The following NUCKS1 variants were observed in gnomAD, a reference collection of about 807,000 sequenced individuals.
NUCKS1 encodes the protein nuclear casein kinase and cyclin dependent kinase substrate 1.
A neutral mutation model predicts 33.0 loss-of-function variants in NUCKS1; 2 were observed. That is an observed-to-expected ratio of 0.06 (90% CI 0.02 to 0.19). NUCKS1 has a LOEUF of 0.19. Among genes scored for constraint, NUCKS1 ranks in the 10% least tolerant of loss-of-function variants. The pLI is 1.00. For missense variants in NUCKS1, 201 were observed against 293.6 expected (o/e 0.68, Z 2.31); for synonymous variants, 106 against 102.8 (o/e 1.03, Z -0.19).
chr1:205,741,274 T>G (rs1212837093), intron 1 of NUCKS1, among the ~76,000 whole-genome samples: 1 of 119,108 alleles, frequency 8.4e-6, no homozygotes, highest in South Asian at 2.7e-4. Context: ...CACTCCAGCC[T>G]GGGCGACAGA....
intron 1 of NUCKS1, among the ~76,000 whole-genome samples, chr1:205,744,976 A>C (rs937243146): frequency 7.9e-5 from 12 of 152,186 alleles, no homozygotes; most frequent in African/African-American, 2.9e-4. Flanking sequence ...GTACTACCCT[A>C]AACTAGTGAT....
chr1:205,719,821 G>T, intron 5 of NUCKS1, 145 bp from the exon 6 acceptor site: 1 of 784,616 alleles, frequency 1.3e-6, no homozygotes, highest in Non-Finnish European at 1.9e-6. Context: ...CTACCAATTT[G>T]ACTGGAGTCA....
intron 2 of NUCKS1, 123 bp downstream of exon 2, chr1:205,729,449 G>T: frequency 2.6e-6 from 2 of 777,078 alleles, no homozygotes; most frequent in Non-Finnish European, 2.3e-6. Context: ...TCATGACATG[G>T]TTTTGGTAAA....
rs746939778 is a variant in NUCKS1 at position 205,750,051 on chromosome 1, C to G, written c.-78G>C. 4 of 1,264,764 alleles carry G rather than the reference C, an allele frequency of 3.2e-6. No individual in the cohort carries two copies. The highest frequency in any genetic ancestry group is 2.3e-5 in the Admixed American group (1 of 42,640). 78.3% of individuals were successfully genotyped at this position (1,264,764 alleles called of 1,614,324 possible). ...CACCCCGCGCGCTCGGCGCCCCACC[C>G]CCCCCGAACTTCAGCCGATGGGACC... On this transcript the variant is annotated 5_prime_UTR_variant, in exon 1 of 7. Coordinates refer to ENST00000367142, the MANE Select transcript of NUCKS1 (RefSeq NM_022731.5).
At position 205,750,022 on chromosome 1, in the gene NUCKS1, C is replaced by G; in HGVS notation, c.-49G>C. The G allele has an allele frequency of 9.8e-7, 1 of 1,016,150 alleles. No homozygotes were observed. Among genetic ancestry groups the G allele is most frequent in the Non-Finnish European group, 1.4e-6 (1 of 717,712 alleles). The allele number at this position is 1,016,150 out of a possible 1,614,324, so 62.9% of individuals were successfully genotyped here. A position where few individuals can be genotyped will look rare whatever the true frequency, so the allele number is the denominator to read the frequency against. The stretch of plus-strand genomic sequence containing the variant: ...GTCGAGAAGCCAAAGACCAGGACCC[C>G]CCCCACCCCGCGCGCTCGGCGCCCC... On this transcript the variant is annotated 5_prime_UTR_variant, in exon 1 of 7. Transcript: ENST00000367142.
At chr1:205,721,007 G>T (rs1237637005) in intron 4 of NUCKS1, among the ~76,000 whole-genome samples, 1 of 151,600 alleles carries the variant, frequency 6.6e-6, no homozygotes, top group Non-Finnish European at 1.5e-5. Flanking sequence ...ACTAATGCAG[G>T]CACAAAAGAC....
At chr1:205,733,657 T>C (rs1327610079) in intron 1 of NUCKS1, among the ~76,000 whole-genome samples, 2 of 151,890 alleles carry the variant, frequency 1.3e-5, no homozygotes, top group South Asian at 2.1e-4. Flanking sequence ...ATAAATAACA[T>C]AAATGGCAGG....
In NUCKS1 at chr1:205,716,579, A is replaced by T. The variant is rs1282650738; in HGVS notation, c.*1701T>A. 1 of 152,224 alleles carries T rather than the reference A, an allele frequency of 6.6e-6. No homozygotes were observed. Among genetic ancestry groups the T allele is most frequent in the Admixed American group, 6.5e-5 (1 of 15,276 alleles). The allele number at this position is 152,224 out of a possible 1,614,324, so 9.4% of individuals were successfully genotyped here. ...TTCATTCTTTAACACACAGTGCAAT[A>T]GTGAAATGACTCTGCCACTGTGTGT... On this transcript the variant is annotated 3_prime_UTR_variant, in exon 7 of 7. Transcript: ENST00000367142.
intron 4 of NUCKS1, among the ~76,000 whole-genome samples, chr1:205,721,856 TAG>T (rs1308112457): frequency 6.6e-6 from 1 of 151,770 alleles, no homozygotes; most frequent in Non-Finnish European, 1.5e-5. Flanking sequence ...GTATTTTTAG[TAG>T]AGACAGGGTT....
Position 205,713,493 on chromosome 1 carries a change from T to G in NUCKS1, c.*4787A>C, listed in dbSNP as rs1037973513. The G allele has an allele frequency of 6.6e-6, 1 of 152,114 alleles. No homozygotes were observed. The highest frequency in any genetic ancestry group is 1.5e-5 in the Non-Finnish European group (1 of 68,022). 9.4% of individuals were successfully genotyped at this position (152,114 alleles called of 1,614,324 possible). On this transcript the variant is annotated 3_prime_UTR_variant, in exon 7 of 7. Coordinates refer to ENST00000367142, the MANE Select transcript of NUCKS1 (RefSeq NM_022731.5). ...TTTTTTCTTTGTCTATGCAGATACA[T>G]ACAGAGACTGGGATATGTAAAAATT...
Position 205,718,428 on chromosome 1 carries a change from G to A in NUCKS1, c.584C>T (p.Ser195Leu), listed in dbSNP as rs1318494783. ...GKGKVGRPTA[S>L]KASKEKTPSP... ...AGGAGTCTTTTCCTTTGATGCCTTT[G>A]AAGCTGTGGGGCGACCCACTTTCCC... Residue 195 changes from serine (S) to leucine (L), a missense_variant, in exon 7 of 7, where the codon TCA (serine) becomes TTA (leucine). Physicochemically the swap from Ser to Leu is moderately radical, Grantham distance 145. Transcript: ENST00000367142. The A allele has an allele frequency of 6.2e-7, 1 of 1,612,522 alleles. No individual in the cohort carries two copies. Among genetic ancestry groups the A allele is most frequent in the African/African-American group, 1.3e-5 (1 of 74,752 alleles).
chr1:205,727,506 G>A (rs936828493), intron 3 of NUCKS1, among the ~76,000 whole-genome samples, 194 bp downstream of exon 3: 1 of 152,192 alleles, frequency 6.6e-6, no homozygotes, highest in Non-Finnish European at 1.5e-5. Context: ...TACAATGAAA[G>A]TGTCAGTATT....
In NUCKS1 at chr1:205,719,251, C is replaced by T. The variant is rs551882390; in HGVS notation, c.532+276G>A. ...CAACTATGATGACACAGTGTTTCTA[C>T]CACTGTGTCTGAAACAAATAGATCA... On this transcript the variant is annotated intron_variant, in intron 6 of 6. Coordinates refer to ENST00000367142, the MANE Select transcript of NUCKS1 (RefSeq NM_022731.5). Among the ~76,000 whole-genome samples the T allele has an allele frequency of 1.1e-4, 16 of 152,288 alleles. No individual in the cohort carries two copies. In the South Asian group the frequency reaches 2.9e-3, roughly 28 times the overall value.
In NUCKS1 at chr1:205,750,136, T is replaced by A; in HGVS notation, c.-163A>T. The A allele has an allele frequency of 1.4e-6, 1 of 689,690 alleles. No homozygotes were observed. The highest frequency in any genetic ancestry group is 2.4e-5 in the Admixed American group (1 of 41,636). The allele number at this position is 689,690 out of a possible 1,614,324, so 42.7% of individuals were successfully genotyped here. On this transcript the variant is annotated 5_prime_UTR_variant, in exon 1 of 7. Coordinates refer to ENST00000367142, the MANE Select transcript of NUCKS1 (RefSeq NM_022731.5). ...ACTCCGCTGCTCTTTGGTTCAGGGC[T>A]CCTGGAACAGACGAGCCCCCCGCTC...
At position 205,717,996 on chromosome 1, in the gene NUCKS1, C is replaced by A; in HGVS notation, c.*284G>T. 9.4e-7 allele frequency: 1 copy of A among 1,065,452 alleles called. No homozygotes were observed. Among genetic ancestry groups the A allele is most frequent in the Non-Finnish European group, 1.1e-6 (1 of 885,480 alleles). 66.0% of individuals were successfully genotyped at this position (1,065,452 alleles called of 1,614,324 possible). On this transcript the variant is annotated 3_prime_UTR_variant, in exon 7 of 7. Transcript: ENST00000367142. ...GCAGTCAATCCAGTGATTAATTTGA[C>A]ATGGCTTTCATTGGGAAAGGGGAGG...
In NUCKS1 at chr1:205,731,840, G is replaced by A. The variant is rs114978803; in HGVS notation, c.18-2219C>T. On this transcript the variant is annotated intron_variant, in intron 1 of 6. Transcript: ENST00000367142. ...CCGGGAGGCAGAGCTCGCAGTGAGT[G>A]AGCCAACATCACGCCACTGCACTCC... Among the ~76,000 whole-genome samples the A allele has an allele frequency of 8.4e-3, 1,271 of 151,234 alleles. 8 individuals carry two copies. The highest frequency in any genetic ancestry group is 0.017 in the Middle Eastern group (5 of 292).
chr1:205,750,039 C>G lies in NUCKS1; in HGVS notation c.-66G>C. On this transcript the variant is annotated 5_prime_UTR_variant, in exon 1 of 7. Coordinates refer to ENST00000367142, the MANE Select transcript of NUCKS1 (RefSeq NM_022731.5). ...CAGGACCCCCCCCACCCCGCGCGCT[C>G]GGCGCCCCACCCCCCCCGAACTTCA... 4.7e-6 allele frequency: 5 copies of G among 1,055,308 alleles called. No individual in the cohort carries two copies. The highest frequency in any genetic ancestry group is 1.7e-5 in the South Asian group (1 of 58,358). 65.4% of individuals were successfully genotyped at this position (1,055,308 alleles called of 1,614,324 possible).
At chr1:205,743,151 TGG>T (rs1654222230) in intron 1 of NUCKS1, among the ~76,000 whole-genome samples, 1 of 152,162 alleles carries the variant, frequency 6.6e-6, no homozygotes, top group African/African-American at 2.4e-5. Flanking sequence ...TTACACAGTA[TGG>T]TGACTGTTAC....
At chr1:205,722,262 T>C (rs1329778693) in intron 4 of NUCKS1, among the ~76,000 whole-genome samples, 2 of 151,810 alleles carry the variant, frequency 1.3e-5, no homozygotes, top group African/African-American at 4.8e-5. Flanking sequence ...GTTGTTTGCT[T>C]GTTTGTTTTT....
Sources: allele counts gnomAD v4.1 joint callset (sites outside exome capture counted in the v4.1 genomes callset), GRCh38; gene constraint gnomAD v4.1.1; transcripts MANE v1.5; gene names NCBI Gene and HGNC (gene_info 2026-07-23, HGNC 2026-07-21).